SLC30A6: variants seen among roughly 807,000 people sequenced by gnomAD.
SLC30A6 encodes the protein solute carrier family 30 member 6.
Under a neutral mutation model 63.0 loss-of-function variants are expected in SLC30A6, and 55 were observed. That is an observed-to-expected ratio of 0.87 (90% CI 0.70 to 1.09). The LOEUF is 1.09. Among genes scored for constraint, SLC30A6 ranks in the 50% least tolerant of loss-of-function variants. SLC30A6 has a pLI of 0.00. For missense variants in SLC30A6, 587 were observed against 549.2 expected (o/e 1.07, Z -0.69); for synonymous variants, 224 against 186.1 (o/e 1.20, Z -1.66).
intron 11 of SLC30A6, among the ~76,000 whole-genome samples, chr2:32,206,472 A>G (rs984821726): frequency 1.3e-5 from 2 of 151,222 alleles, no homozygotes; most frequent in African/African-American, 2.4e-5. Flanking sequence ...CCAGGGCCGG[A>G]TGTGCGTGTA....
Position 32,224,364 on chromosome 2 carries a change from T to C in SLC30A6, c.*3651T>C. On this transcript the variant is annotated 3_prime_UTR_variant, in exon 14 of 14. Coordinates refer to ENST00000282587, the MANE Select transcript of SLC30A6 (RefSeq NM_017964.5). ...ATGTTTTTAATCATCAAATTAAACT[T>C]CTTTCCACGTCCTTATCTTCTTTGG... 1 of 745,788 alleles carries C rather than the reference T, an allele frequency of 1.3e-6. No individual in the cohort carries two copies. The allele number at this position is 745,788 out of a possible 1,614,324, so 46.2% of individuals were successfully genotyped here.
At chr2:32,215,436 C>A (rs1250373246) in intron 13 of SLC30A6, among the ~76,000 whole-genome samples, 1 of 151,032 alleles carries the variant, frequency 6.6e-6, no homozygotes, top group African/African-American at 2.4e-5. Flanking sequence ...CTCAAGTGAT[C>A]CATCTACCTC....
At chr2:32,194,256 G>A (rs1019007184) in intron 8 of SLC30A6, among the ~76,000 whole-genome samples, 1 of 152,146 alleles carries the variant, frequency 6.6e-6, no homozygotes, top group African/African-American at 2.4e-5. Context: ...ACCAAATAAT[G>A]TGAGATTCTA....
chr2:32,180,973 T>C (rs1197771107), intron 4 of SLC30A6, among the ~76,000 whole-genome samples: 2 of 152,208 alleles, frequency 1.3e-5, no homozygotes, highest in African/African-American at 4.8e-5. Context: ...AGATGAAAGG[T>C]GTGATTTAGA....
At chr2:32,194,085 C>G in intron 8 of SLC30A6, 102 bp downstream of exon 8, 1 of 920,952 alleles carries the variant, frequency 1.1e-6, no homozygotes, top group Non-Finnish European at 1.6e-6. Flanking sequence ...GAAGTATATT[C>G]TGAAGACAAG....
intron 11 of SLC30A6, among the ~76,000 whole-genome samples, chr2:32,206,302 C>G (rs963564858): frequency 6.6e-6 from 1 of 151,854 alleles, no homozygotes; most frequent in South Asian, 2.1e-4. Context: ...AAAAATTAGC[C>G]GGGCATGGTG....
At position 32,223,681 on chromosome 2, in the gene SLC30A6, C is replaced by T. The variant is rs1338917802; in HGVS notation, c.*2968C>T. 1 of 152,166 alleles carries T rather than the reference C, an allele frequency of 6.6e-6. No individual in the cohort carries two copies. Among genetic ancestry groups the T allele is most frequent in the Non-Finnish European group, 1.5e-5 (1 of 68,040 alleles). The allele number at this position is 152,166 out of a possible 1,614,324, so 9.4% of individuals were successfully genotyped here. On this transcript the variant is annotated 3_prime_UTR_variant, in exon 14 of 14. Transcript: ENST00000282587. ...GCCATGAGAATAGGTGAACCACAGC[C>T]TAACACCATTTAGGTTTTTGTGTTT...
chr2:32,203,287 AAG>A, intron 10 of SLC30A6: 1 of 937,924 alleles, frequency 1.1e-6, no homozygotes, highest in Non-Finnish European at 1.8e-6. Context: ...AACCAAGAGA[AAG>A]AGGTCAACTA....
intron 5 of SLC30A6, among the ~76,000 whole-genome samples, chr2:32,192,037 CTT>C (rs34973387): frequency 5.9e-5 from 8 of 135,212 alleles, no homozygotes; most frequent in African/African-American, 1.1e-4. Flanking sequence ...TGGTAATTGT[CTT>C]TTTTTTTTTT....
chr2:32,168,087 T>G (rs1269321816), intron 1 of SLC30A6, among the ~76,000 whole-genome samples: 1 of 152,212 alleles, frequency 6.6e-6, no homozygotes, highest in Non-Finnish European at 1.5e-5. Flanking sequence ...TCTTTATGCT[T>G]GAAACATTAG....
At chr2:32,175,274 A>G (rs772989591) in intron 3 of SLC30A6, 45 bp from the exon 4 acceptor site, 4 of 1,569,802 alleles carry the variant, frequency 2.5e-6, no homozygotes, top group East Asian at 4.5e-5. Flanking sequence ...GTATTTTTTT[A>G]GAGGGGTCAG....
chr2:32,209,187 A>G (rs2148893826), intron 12 of SLC30A6, among the ~76,000 whole-genome samples: 1 of 152,362 alleles, frequency 6.6e-6, no homozygotes, highest in South Asian at 2.1e-4. Flanking sequence ...TATATTCCAT[A>G]TTGATATGAA....
chr2:32,212,546 T>G (rs915869971), intron 13 of SLC30A6, among the ~76,000 whole-genome samples: 1 of 151,582 alleles, frequency 6.6e-6, no homozygotes, highest in Admixed American at 6.6e-5. Flanking sequence ...CGAAGAAAGA[T>G]TTTTGTTCTG....
intron 12 of SLC30A6, 61 bp downstream of exon 12, chr2:32,206,994 A>T: frequency 7.8e-7 from 1 of 1,288,336 alleles, no homozygotes; most frequent in South Asian, 1.2e-5. Context: ...AAAGGTGGAT[A>T]CTTTTAATAC....
intron 13 of SLC30A6, among the ~76,000 whole-genome samples, chr2:32,211,235 C>G (rs1241116327): frequency 1.3e-5 from 2 of 152,196 alleles, no homozygotes; most frequent in African/African-American, 4.8e-5. Flanking sequence ...ATCGAATAAC[C>G]TAGTGGGGGA....
At chr2:32,177,451 CG>C (rs534717721) in intron 4 of SLC30A6, 359 of 229,948 alleles carry the variant, frequency 1.6e-3, no homozygotes, top group Non-Finnish European at 2.7e-3. Flanking sequence ...CCACCAGGCA[CG>C]GCTAATTTTT....
rs951188341 is a variant in SLC30A6 at position 32,212,984 on chromosome 2, C to T, written c.885+3423C>T. Among the ~76,000 whole-genome samples, 18 of 148,018 alleles carry T rather than the reference C, an allele frequency of 1.2e-4. No homozygotes were observed. In the Admixed American group the frequency reaches 1.2e-3, roughly 10 times the overall value. On this transcript the variant is annotated intron_variant, in intron 13 of 13. Coordinates refer to ENST00000282587, the MANE Select transcript of SLC30A6 (RefSeq NM_017964.5). Reference sequence around the variant, plus strand: ...TGAGTGGTACAGATATAGCTCACTGCAGTCTCAAATGTCTGGGCTCAGATG... The same window carrying T: ...TGAGTGGTACAGATATAGCTCACTGTAGTCTCAAATGTCTGGGCTCAGATG...
At chr2:32,203,039 G>T in intron 10 of SLC30A6, 1 of 1,237,506 alleles carries the variant, frequency 8.1e-7, no homozygotes, top group Non-Finnish European at 1.2e-6. Flanking sequence ...ACATAAAACA[G>T]AATGCCCAGT....
At chr2:32,169,967 T>C (rs1007716513) in intron 1 of SLC30A6, among the ~76,000 whole-genome samples, 1 of 152,232 alleles carries the variant, frequency 6.6e-6, no homozygotes, top group Non-Finnish European at 1.5e-5. Context: ...TAAAAATAGT[T>C]TGTGGAAGCT....
Sources: allele counts gnomAD v4.1 joint callset (sites outside exome capture counted in the v4.1 genomes callset), GRCh38; gene constraint gnomAD v4.1.1; transcripts MANE v1.5; gene names NCBI Gene and HGNC (gene_info 2026-07-23, HGNC 2026-07-21).